Variants in CRB1 observed in about 807,000 individuals in gnomAD.
CRB1 encodes protein crumbs homolog 1.
Under a neutral mutation model 120.0 loss-of-function variants are expected in CRB1, and 83 were observed. That is an observed-to-expected ratio of 0.69 (90% CI 0.58 to 0.83). The LOEUF (loss-of-function observed/expected upper bound fraction) is 0.83. Among genes scored for constraint, CRB1 ranks in the 40% least tolerant of loss-of-function variants. CRB1 has a pLI of 0.00. For missense variants in CRB1, 1,699 were observed against 1,687.6 expected (o/e 1.01, Z -0.12); for synonymous variants, 625 against 612.5 (o/e 1.02, Z -0.30).
chr1:197,313,306 G>C (rs1657657597), intron 1 of CRB1, among the ~76,000 whole-genome samples: 1 of 152,154 alleles, frequency 6.6e-6, no homozygotes, highest in Admixed American at 6.5e-5. Flanking sequence ...CATAAGATTT[G>C]GGTGGGGACA....
chr1:197,281,125 A>G (rs1356267244), intron 1 of CRB1, among the ~76,000 whole-genome samples: 1 of 151,922 alleles, frequency 6.6e-6, no homozygotes, highest in Non-Finnish European at 1.5e-5. Flanking sequence ...TAACAAAGTG[A>G]AAGTTGGTCG....
chr1:197,385,893 G>A (rs1455805029), intron 5 of CRB1, among the ~76,000 whole-genome samples: 6 of 152,008 alleles, frequency 3.9e-5, no homozygotes, highest in African/African-American at 1.2e-4. Flanking sequence ...ATCAGAAGTG[G>A]TTAAAAAACA....
At chr1:197,394,658 T>G (rs1662682741) in intron 5 of CRB1, among the ~76,000 whole-genome samples, 1 of 152,036 alleles carries the variant, frequency 6.6e-6, no homozygotes, top group African/African-American at 2.4e-5. Context: ...TCTTTAATTT[T>G]TATAGATTTA....
At chr1:197,283,124 A>T (rs1655624684) in intron 1 of CRB1, among the ~76,000 whole-genome samples, 1 of 151,954 alleles carries the variant, frequency 6.6e-6, no homozygotes, top group African/African-American at 2.4e-5. Context: ...AAAAAAATAA[A>T]AATAAACACA....
chr1:197,446,785 G>A (rs1266934433), intron 11 of CRB1, among the ~76,000 whole-genome samples: 3 of 152,152 alleles, frequency 2.0e-5, no homozygotes, highest in Non-Finnish European at 4.4e-5. Flanking sequence ...GTGGGTCTAA[G>A]GGGGTGATAA....
chr1:197,204,035 A>G, the CRB1 span, among the ~76,000 whole-genome samples: 1 of 152,146 alleles, frequency 6.6e-6, no homozygotes, highest in Non-Finnish European at 1.5e-5. Context: ...TATGAGTGAG[A>G]ACATATGATA....
chr1:197,305,546 TAG>T (rs1441073303), intron 1 of CRB1, among the ~76,000 whole-genome samples: 1 of 151,726 alleles, frequency 6.6e-6, no homozygotes, highest in Non-Finnish European at 1.5e-5. Context: ...TACATATATA[TAG>T]AGAGAGAAGA....
intron 1 of CRB1, among the ~76,000 whole-genome samples, chr1:197,269,841 TATC>T (rs746748617): frequency 1.4e-4 from 22 of 152,328 alleles, no homozygotes; most frequent in Middle Eastern, 3.4e-3. Context: ...GATAAATATA[TATC>T]ATTTGTTTTT....
In CRB1 at chr1:197,268,255, C is replaced by T. The variant is rs1011980348; in HGVS notation, c.-158C>T. 8 of 688,150 alleles carry T rather than the reference C, an allele frequency of 1.2e-5. No homozygotes were observed. The highest frequency in any genetic ancestry group is 1.1e-4 in the African/African-American group (6 of 56,130). 42.6% of individuals were successfully genotyped at this position (688,150 alleles called of 1,614,324 possible). A position where few individuals can be genotyped will look rare whatever the true frequency, so the allele number is the denominator to read the frequency against. On this transcript the variant is annotated 5_prime_UTR_variant, in exon 1 of 12. Coordinates refer to ENST00000367400, the MANE Select transcript of CRB1 (RefSeq NM_201253.3). Reference sequence around the variant, plus strand: ...CACAAACTGCATTTTGAATCTAAGTCCCTGTATTTTCTGTGAAGGAGCTGT... The same window carrying T: ...CACAAACTGCATTTTGAATCTAAGTTCCTGTATTTTCTGTGAAGGAGCTGT...
At chr1:197,240,695 A>G in the CRB1 span, among the ~76,000 whole-genome samples, 47 of 152,286 alleles carry the variant, frequency 3.1e-4, no homozygotes, top group African/African-American at 1.1e-3. Context: ...GTGTCTTTAT[A>G]GTAGAATGAT....
intron 5 of CRB1, among the ~76,000 whole-genome samples, chr1:197,409,874 C>G (rs1405501201): frequency 6.6e-6 from 1 of 152,130 alleles, no homozygotes; most frequent in Non-Finnish European, 1.5e-5. Flanking sequence ...GCTCCGCCTC[C>G]AGGGGTTCAT....
intron 11 of CRB1, among the ~76,000 whole-genome samples, chr1:197,455,935 A>G (rs1461368936): frequency 6.6e-6 from 1 of 152,152 alleles, no homozygotes; most frequent in Non-Finnish European, 1.5e-5. Context: ...CATATTAAAT[A>G]TAATATCCAA....
At chr1:197,327,976 C>A (rs1048200537) in intron 1 of CRB1, among the ~76,000 whole-genome samples, 1 of 152,178 alleles carries the variant, frequency 6.6e-6, no homozygotes, top group South Asian at 2.1e-4. Context: ...CTTAAAACAG[C>A]CAGTAGATGG....
chr1:197,301,280 C>T (rs1034574342), intron 1 of CRB1, among the ~76,000 whole-genome samples: 1 of 151,978 alleles, frequency 6.6e-6, no homozygotes, highest in African/African-American at 2.4e-5. Flanking sequence ...ATTCTCTTGC[C>T]TCAGCCTCCT....
At chr1:197,361,407 A>G (rs1048092650) in intron 5 of CRB1, among the ~76,000 whole-genome samples, 1 of 152,120 alleles carries the variant, frequency 6.6e-6, no homozygotes, top group Non-Finnish European at 1.5e-5. Context: ...TTGAATTGCA[A>G]ATTTAATTTC....
At chr1:197,313,601 C>G (rs1454896062) in intron 1 of CRB1, among the ~76,000 whole-genome samples, 9 of 152,034 alleles carry the variant, frequency 5.9e-5, no homozygotes, top group Admixed American at 6.6e-5. Flanking sequence ...CTCTTTATAC[C>G]TCTTTGCTTC....
At chr1:197,264,613 C>T (rs868452947), upstream of CRB1, among the ~76,000 whole-genome samples, 195 of 131,020 alleles carry the variant, frequency 1.5e-3, no homozygotes, top group African/African-American at 4.8e-3. Context: ...GTGCATTCTT[C>T]TTTTTTTTTT....
At chr1:197,348,143 A>G (rs1356832397) in intron 4 of CRB1, among the ~76,000 whole-genome samples, 1 of 152,230 alleles carries the variant, frequency 6.6e-6, no homozygotes, top group Non-Finnish European at 1.5e-5. Flanking sequence ...GTAAGATTAC[A>G]ATAGAGCTGA....
At chr1:197,320,721 A>G (rs1415374086) in intron 1 of CRB1, among the ~76,000 whole-genome samples, 1 of 152,212 alleles carries the variant, frequency 6.6e-6, no homozygotes, top group Non-Finnish European at 1.5e-5. Context: ...GTTGTACACT[A>G]TAGGTATATA....
Sources: gnomAD v4.1 joint callset for allele counts (sites outside exome capture counted in the v4.1 genomes callset) on GRCh38, gnomAD v4.1.1 for gene constraint, MANE v1.5 for transcripts, NCBI Gene and HGNC (gene_info 2026-07-23, HGNC 2026-07-21) for gene names.